CFAP210: variants seen among roughly 807,000 people sequenced by gnomAD.
CFAP210 encodes the protein cilia- and flagella- associated protein 210.
At chr2:169,687,732 G>T in the CFAP210 span, among the ~76,000 whole-genome samples, 6 of 152,172 alleles carry the variant, frequency 3.9e-5, no homozygotes, top group Non-Finnish European at 7.3e-5. Context: ...CACCATGCTG[G>T]GGTCTGAAGG....
the CFAP210 span, among the ~76,000 whole-genome samples, chr2:169,660,586 T>C: frequency 9.6e-6 from 1 of 104,356 alleles, no homozygotes; most frequent in East Asian, 2.3e-4. Flanking sequence ...AGGTTGCTTA[T>C]TTTATATATA....
At chr2:169,675,067 G>T in the CFAP210 span, 3 of 1,405,188 alleles carry the variant, frequency 2.1e-6, no homozygotes, top group Admixed American at 3.4e-5. Flanking sequence ...ACAATTTTTT[G>T]TTTTCATTTT....
At chr2:169,691,456 A>G in the CFAP210 span, among the ~76,000 whole-genome samples, 1 of 152,094 alleles carries the variant, frequency 6.6e-6, no homozygotes, top group Non-Finnish European at 1.5e-5. Context: ...GTTTTAGGTC[A>G]GTTGGGGGGG....
At chr2:169,677,507 A>G in the CFAP210 span, among the ~76,000 whole-genome samples, 2 of 152,212 alleles carry the variant, frequency 1.3e-5, no homozygotes, top group Non-Finnish European at 2.9e-5. Flanking sequence ...AAAATCTAAC[A>G]TCCATTTCTG....
At chr2:169,647,544 A>G in the CFAP210 span, among the ~76,000 whole-genome samples, 1 of 140,944 alleles carries the variant, frequency 7.1e-6, no homozygotes, top group Non-Finnish European at 1.5e-5. Flanking sequence ...TAAGGCAAAA[A>G]AAATCAAGTA....
At chr2:169,671,973 T>A in the CFAP210 span, among the ~76,000 whole-genome samples, 1 of 152,228 alleles carries the variant, frequency 6.6e-6, no homozygotes, top group African/African-American at 2.4e-5. Context: ...CTCCTTTGCA[T>A]CTCTTTTTTG....
At chr2:169,675,260 G>A in the CFAP210 span, among the ~76,000 whole-genome samples, 4 of 152,070 alleles carry the variant, frequency 2.6e-5, no homozygotes, top group African/African-American at 4.8e-5. Context: ...ATATTATAGA[G>A]GTATATGAAC....
chr2:169,691,976 AG>A, the CFAP210 span, among the ~76,000 whole-genome samples: 1 of 152,226 alleles, frequency 6.6e-6, no homozygotes, highest in African/African-American at 2.4e-5. Context: ...ATGAGTATTA[AG>A]GCATGCCTTC....
chr2:169,693,659 C>T, the CFAP210 span, among the ~76,000 whole-genome samples: 3 of 152,056 alleles, frequency 2.0e-5, no homozygotes, highest in African/African-American at 7.2e-5. Context: ...ATTTCTATTC[C>T]AAAATCAAAT....
chr2:169,682,510 A>T, the CFAP210 span, among the ~76,000 whole-genome samples: 34 of 152,168 alleles, frequency 2.2e-4, no homozygotes, highest in African/African-American at 7.5e-4. Flanking sequence ...ACACAAACTG[A>T]TTCAACATGC....
chr2:169,683,660 G>A, the CFAP210 span, among the ~76,000 whole-genome samples: 2 of 152,250 alleles, frequency 1.3e-5, no homozygotes, highest in African/African-American at 4.8e-5. Context: ...ACAGTGGTAA[G>A]TGGGCCTTGG....
the CFAP210 span, among the ~76,000 whole-genome samples, chr2:169,682,530 C>T: frequency 6.6e-6 from 1 of 152,112 alleles, no homozygotes; most frequent in South Asian, 2.1e-4. Context: ...CTGTTTGTTT[C>T]CTTATATTGC....
At chr2:169,687,443 G>A in the CFAP210 span, among the ~76,000 whole-genome samples, 1 of 152,240 alleles carries the variant, frequency 6.6e-6, no homozygotes, top group Non-Finnish European at 1.5e-5. Context: ...GGTAAATACA[G>A]CCATTCCAAA....
At chr2:169,665,916 AG>A in the CFAP210 span, among the ~76,000 whole-genome samples, 24 of 152,056 alleles carry the variant, frequency 1.6e-4, no homozygotes, top group Non-Finnish European at 2.8e-4. Flanking sequence ...AGGACTCCAC[AG>A]GGGACTCACT....
At chr2:169,688,982 C>T in the CFAP210 span, among the ~76,000 whole-genome samples, 1 of 152,194 alleles carries the variant, frequency 6.6e-6, no homozygotes, top group Non-Finnish European at 1.5e-5. Context: ...ACCTACAGTT[C>T]CACATGGCTG....
chr2:169,655,775 G>T, the CFAP210 span, among the ~76,000 whole-genome samples: 1 of 152,042 alleles, frequency 6.6e-6, no homozygotes, highest in East Asian at 1.9e-4. Context: ...CCAATAATCA[G>T]ATTTTAATGA....
chr2:169,675,682 G>C, the CFAP210 span, among the ~76,000 whole-genome samples: 1 of 152,224 alleles, frequency 6.6e-6, no homozygotes, highest in African/African-American at 2.4e-5. Context: ...TATCTGAATG[G>C]AGACACACAT....
At chr2:169,670,544 G>C in the CFAP210 span, among the ~76,000 whole-genome samples, 4 of 152,164 alleles carry the variant, frequency 2.6e-5, no homozygotes, top group Non-Finnish European at 5.9e-5. Flanking sequence ...CAGAAACCTG[G>C]GAGTGACTTA....
chr2:169,673,596 G>T, the CFAP210 span, among the ~76,000 whole-genome samples: 2 of 151,912 alleles, frequency 1.3e-5, no homozygotes, highest in Non-Finnish European at 2.9e-5. Flanking sequence ...AATTATATAT[G>T]TGACATACAG....
Sources: allele counts gnomAD v4.1 joint callset (sites outside exome capture counted in the v4.1 genomes callset), GRCh38; gene constraint gnomAD v4.1.1; transcripts MANE v1.5; gene names NCBI Gene and HGNC (gene_info 2026-07-23, HGNC 2026-07-21).